CCDC40: variants seen among roughly 807,000 people sequenced by gnomAD.
CCDC40 encodes coiled-coil domain-containing protein 40.
CCDC40 carries 104 observed loss-of-function variants against 124.5 expected under a neutral mutation model. The ratio of observed to expected loss-of-function variants is 0.84; its 90% CI spans 0.71 to 0.98. The LOEUF (loss-of-function observed/expected upper bound fraction) is 0.98, where lower values mean the gene tolerates loss of function less well. CCDC40 is among the 50% of genes least tolerant of loss of function. The pLI, the probability that CCDC40 is intolerant of heterozygous loss-of-function variation, is 0.00. For missense variants in CCDC40, 1,463 were observed against 1,503.9 expected, an observed-to-expected ratio of 0.97 and a Z score of 0.45; for synonymous variants, 580 against 602.9, an observed-to-expected ratio of 0.96 and a Z score of 0.56.
intron 10 of CCDC40, chr17:80,067,630 C>T (rs1251310383): frequency 5.9e-6 from 9 of 1,536,140 alleles, no homozygotes; most frequent in Non-Finnish European, 7.8e-6. Flanking sequence ...AGGGCGTTCG[C>T]GTCCGTCTGT....
rs779799111 is a variant in CCDC40, at chr17:80,088,018, A to G, written c.2627A>G (p.Glu876Gly). ...NEFVRSLKAS[E>G]RETIKMQDKL... The stretch of plus-strand genomic sequence containing the variant: ...GCCCCCTCCCCCATGCAGGCCTCTG[A>G]GAGGGAGACCATCAAGATGCAGGAC... Residue 876 changes from glutamate to glycine, a missense_variant, in exon 16 of 20, where the codon GAG (glutamate) becomes GGG (glycine). Glu to Gly is a moderately conservative substitution (Grantham distance 98). Coordinates refer to ENST00000397545, the MANE Select transcript of CCDC40 (RefSeq NM_017950.4). 3.2e-6 allele frequency: 5 copies of G among 1,551,556 alleles called. No individual in the cohort carries two copies. The highest frequency in any genetic ancestry group is 3.5e-6 in the Non-Finnish European group (4 of 1,127,616).
chr17:80,043,964 C>T (rs2037349629), intron 3 of CCDC40, among the ~76,000 whole-genome samples: 1 of 152,138 alleles, frequency 6.6e-6, no homozygotes, highest in Admixed American at 6.6e-5. Context: ...TCCCAGCATA[C>T]CTTAGGTTTC....
chr17:80,047,454 A>G, intron 4 of CCDC40, 52 bp downstream of exon 4: 1 of 1,585,564 alleles, frequency 6.3e-7, no homozygotes, highest in Non-Finnish European at 8.6e-7. Flanking sequence ...CCACCTGCAC[A>G]GGCCCTTCTG....
In CCDC40 at chr17:80,040,081, G is replaced by A; in HGVS notation, c.363G>A (p.Gln121=). 6.2e-7 allele frequency: 1 copy of A among 1,614,206 alleles called. No individual in the cohort carries two copies. The highest frequency in any genetic ancestry group is 8.5e-7 in the Non-Finnish European group (1 of 1,180,012). The part of the protein sequence containing the change: ...DTTYPYFSPP[Q]ELPGEEAYDS... ...CTTACCCGTATTTCAGTCCTCCTCA[G>A]GAACTGCCTGGAGAGGAGGCATACG... Residue 121 remains glutamine, a synonymous_variant, in exon 3 of 20, where the codon CAG becomes CAA. Coordinates refer to ENST00000397545, the MANE Select transcript of CCDC40 (RefSeq NM_017950.4).
chr17:80,067,730 C>T lies in CCDC40; in HGVS notation c.1562+2124C>T, dbSNP rs182552958. 1.2e-4 allele frequency: 177 copies of T among 1,520,302 alleles called. No homozygotes were observed. The African/African-American group carries it at 1.8e-3, about 16-fold the overall frequency. 94.2% of individuals were successfully genotyped at this position (1,520,302 alleles called of 1,614,324 possible). On this transcript the variant is annotated intron_variant, in intron 10 of 19. Transcript: ENST00000397545. The stretch of plus-strand genomic sequence containing the variant: ...CCTTTTTTATATTGCCTATCAAGCC[C>T]GGAATGTCTGGGTCTAGCGGGTATT...
intron 10 of CCDC40, among the ~76,000 whole-genome samples, chr17:80,080,314 A>G (rs968111433): frequency 1.3e-5 from 2 of 152,232 alleles, no homozygotes; most frequent in African/African-American, 4.8e-5. Context: ...GAGGCGTAAG[A>G]ATGACTTGAA....
chr17:80,069,008 G>A (rs909975292), intron 10 of CCDC40, among the ~76,000 whole-genome samples: 30 of 152,186 alleles, frequency 2.0e-4, no homozygotes, highest in Non-Finnish European at 4.3e-4. Context: ...CCACATGGGC[G>A]GGAGGTGTCC....
intron 10 of CCDC40, among the ~76,000 whole-genome samples, chr17:80,073,745 G>A (rs1253677207): frequency 6.6e-6 from 1 of 152,026 alleles, no homozygotes; most frequent in East Asian, 1.9e-4. Context: ...CCCCAGGCTG[G>A]AGGGCAGTGG....
rs2038873469 is a variant in CCDC40 at position 80,099,431 on chromosome 17, T to A, written c.3181-96T>A. The A allele has an allele frequency of 2.1e-6, 3 of 1,455,944 alleles. No individual in the cohort carries two copies. The Admixed American group carries it at 5.0e-5, about 24-fold the overall frequency. 90.2% of individuals were successfully genotyped at this position (1,455,944 alleles called of 1,614,324 possible). ...CTTTTCAGGCGTAGGTCTCGCCTCCTCTTCGGCATTTCCTGGAATCTGAGT... is the reference window on the plus strand; with the variant it reads ...CTTTTCAGGCGTAGGTCTCGCCTCCACTTCGGCATTTCCTGGAATCTGAGT... On this transcript the variant is annotated intron_variant, in intron 19 of 19. Transcript: ENST00000397545.
At position 80,084,862 on chromosome 17, in the gene CCDC40, G is replaced by A; in HGVS notation, c.2109G>A (p.Lys703=). 6.2e-7 allele frequency: 1 copy of A among 1,614,162 alleles called. No homozygotes were observed. The highest frequency in any genetic ancestry group is 2.2e-5 in the East Asian group (1 of 44,884). ...TGGTGGAGCTGGACCAGGACGTGAA[G>A]AAAGTCAACGAGCTCATCACCAACA... is the stretch of plus-strand genomic sequence containing the variant. ...KTLVELDQDV[K]KVNELITNSQ... Residue 703 remains lysine (K), a synonymous_variant, in exon 13 of 20, where the codon AAG becomes AAA. Transcript: ENST00000397545.
intron 18 of CCDC40, among the ~76,000 whole-genome samples, chr17:80,095,698 C>T (rs973455430): frequency 2.0e-5 from 3 of 152,334 alleles, no homozygotes; most frequent in Non-Finnish European, 2.9e-5. Context: ...GTTAGAGGGG[C>T]GTGCTCAGCA....
In CCDC40 at chr17:80,065,465, C is replaced by T; in HGVS notation, c.1441-20C>T. On this transcript the variant is annotated intron_variant, in intron 9 of 19. Transcript: ENST00000397545. Reference sequence around the variant, plus strand: ...ATGAAATGAGACAGCCATTCCTGCCCCCTCCCCTGTTGGCTGCAGGCCTGC... The same window carrying T: ...ATGAAATGAGACAGCCATTCCTGCCTCCTCCCCTGTTGGCTGCAGGCCTGC... 1 of 1,612,926 alleles carries T rather than the reference C, an allele frequency of 6.2e-7. No homozygotes were observed. The highest frequency in any genetic ancestry group is 8.5e-7 in the Non-Finnish European group (1 of 1,179,912).
chr17:80,041,829 C>T (rs1402413879), intron 3 of CCDC40, among the ~76,000 whole-genome samples: 2 of 152,120 alleles, frequency 1.3e-5, no homozygotes, highest in Non-Finnish European at 2.9e-5. Context: ...CTCAGTGCGT[C>T]CCACCAGGGA....
intron 3 of CCDC40, 41 bp from the exon 4 acceptor site, chr17:80,047,238 A>C: frequency 6.2e-7 from 1 of 1,604,488 alleles, no homozygotes; most frequent in Non-Finnish European, 8.5e-7. Context: ...CTCAGTGGCA[A>C]TTAAGCCCTG....
In CCDC40 at chr17:80,086,160, T is replaced by C. The variant is rs780648412; in HGVS notation, c.2393T>C (p.Leu798Pro). The change falls in exon 14 of 20, where the codon CTG becomes CCG. Residue 798 changes from leucine to proline, a missense_variant. Coordinates refer to ENST00000397545, the MANE Select transcript of CCDC40 (RefSeq NM_017950.4). This position sits in a 1 kb window ranked among gnomAD's most constrained non-coding sequence, Gnocchi z 5.5. ...GAGCAGGAGGAGCAGCTGGCCTCCCTGGACGCATCCAAGAAGGAGCTCCAC... is the reference window on the plus strand; with the variant it reads ...GAGCAGGAGGAGCAGCTGGCCTCCCCGGACGCATCCAAGAAGGAGCTCCAC... Reference protein sequence around the residue: ...TQEQEEQLASLDASKKELHIM... With the variant: ...TQEQEEQLASPDASKKELHIM... 1 of 1,613,870 alleles carries C rather than the reference T, an allele frequency of 6.2e-7. No homozygotes were observed. Among genetic ancestry groups the C allele is most frequent in the Non-Finnish European group, 8.5e-7 (1 of 1,179,952 alleles).
intron 10 of CCDC40, chr17:80,067,527 A>T (rs748085191): frequency 6.8e-7 from 1 of 1,467,202 alleles, no homozygotes; most frequent in Admixed American, 2.0e-5. Context: ...GCGCTTCCCA[A>T]GTCAAAATAT....
rs2038791434 is a variant in CCDC40 at position 80,095,403 on chromosome 17, C to T, written c.2973C>T (p.Phe991=). The T allele has an allele frequency of 1.2e-6, 2 of 1,614,156 alleles. No individual in the cohort carries two copies. The change falls in exon 18 of 20, where the codon TTC becomes TTT. Residue 991 remains phenylalanine (F), a synonymous_variant. Transcript: ENST00000397545. ...GGAAGGCGCTCACCCGCACCGACTTCCACCACAAGCAGCTTGAGCTGCGCC... is the reference window on the plus strand; with the variant it reads ...GGAAGGCGCTCACCCGCACCGACTTTCACCACAAGCAGCTTGAGCTGCGCC... ...MDRKALTRTD[F]HHKQLELRRK...
At chr17:80,093,028 C>A (rs1171814462) in intron 17 of CCDC40, among the ~76,000 whole-genome samples, 1 of 152,156 alleles carries the variant, frequency 6.6e-6, no homozygotes, top group Non-Finnish European at 1.5e-5. Context: ...GCCCTTCCTC[C>A]ACCGAACTAC....
chr17:80,090,162 C>T lies in CCDC40; in HGVS notation c.2832+278C>T, dbSNP rs751002406. 45 of 1,169,926 alleles carry T rather than the reference C, an allele frequency of 3.8e-5. 5 individuals are homozygous for T. In the South Asian group the frequency reaches 4.0e-4, roughly 10 times the overall value. The allele number at this position is 1,169,926 out of a possible 1,614,324, so 72.5% of individuals were successfully genotyped here. A position where few individuals can be genotyped will look rare whatever the true frequency, so the allele number is the denominator to read the frequency against. ...AGAAATATTGCAGAACAACACAGGA[C>T]GCACACAGGCACGTGCACGAACAAC... On this transcript the variant is annotated intron_variant, in intron 17 of 19. Coordinates refer to ENST00000397545, the MANE Select transcript of CCDC40 (RefSeq NM_017950.4).
Sources: allele counts gnomAD v4.1 joint callset (sites outside exome capture counted in the v4.1 genomes callset), GRCh38; gene constraint gnomAD v4.1.1; non-coding constraint Gnocchi (gnomAD v3.1); transcripts MANE v1.5; gene names NCBI Gene and HGNC (gene_info 2026-07-23, HGNC 2026-07-21).